CADPS2: variants seen among roughly 807,000 people sequenced by gnomAD.
The protein encoded by CADPS2 is calcium-dependent secretion activator 2.
In CADPS2, 93 loss-of-function variants were observed where a neutral mutation model predicts 172.5. The ratio of observed to expected loss-of-function variants is 0.54; its 90% confidence interval spans 0.46 to 0.64. The LOEUF (loss-of-function observed/expected upper bound fraction) is 0.64, where lower values mean the gene tolerates loss of function less well. Among genes scored for constraint, CADPS2 ranks in the 30% least tolerant of loss-of-function variants. The pLI, the probability that CADPS2 is intolerant of heterozygous loss-of-function variation, is 0.00. For synonymous variants in CADPS2, 546 were observed against 555.2 expected (o/e 0.98, Z 0.23); for missense variants, 1,420 against 1,565.9 (o/e 0.91, Z 1.57).
chr7:122,325,838 A>C (rs2150738023), intron 28 of CADPS2, among the ~76,000 whole-genome samples: 1 of 152,216 alleles, frequency 6.6e-6, no homozygotes. Flanking sequence ...ATTCACGGAA[A>C]CAGTGTTTTT....
At chr7:122,359,671 G>T (rs1267913188) in intron 27 of CADPS2, among the ~76,000 whole-genome samples, 1 of 152,062 alleles carries the variant, frequency 6.6e-6, no homozygotes, top group Non-Finnish European at 1.5e-5. Flanking sequence ...TCATGCTGCT[G>T]CTTTGTGGGG....
intron 1 of CADPS2, among the ~76,000 whole-genome samples, chr7:122,878,427 C>T (rs1249964117): frequency 1.3e-5 from 2 of 151,588 alleles, no homozygotes; most frequent in Admixed American, 6.6e-5. Flanking sequence ...CCGAGGTGGG[C>T]GGATCACAAC....
At chr7:122,678,383 G>A (rs2082602281) in intron 2 of CADPS2, among the ~76,000 whole-genome samples, 1 of 152,210 alleles carries the variant, frequency 6.6e-6, no homozygotes, top group Non-Finnish European at 1.5e-5. Flanking sequence ...CACTGAGACT[G>A]TGCTATAACA....
chr7:122,425,830 C>T (rs1480639520), intron 17 of CADPS2: 1 of 152,114 alleles, frequency 6.6e-6, no homozygotes, highest in African/African-American at 2.4e-5. Context: ...CTATTCCTTC[C>T]TGTTTTTTAA....
intron 1 of CADPS2, among the ~76,000 whole-genome samples, chr7:122,872,299 A>G (rs1819961809): frequency 1.3e-5 from 2 of 152,082 alleles, no homozygotes; most frequent in African/African-American, 4.8e-5. Context: ...TGTAACTTTA[A>G]ATTTTCATAA....
Position 122,379,454 on chromosome 7 carries a change from A to C in CADPS2, c.3313-12T>G, listed in dbSNP as rs535198897. 1 of 1,579,072 alleles carries C rather than the reference A, an allele frequency of 6.3e-7. No individual in the cohort carries two copies. Among genetic ancestry groups the C allele is most frequent in the South Asian group, 1.1e-5 (1 of 88,938 alleles). ...GAATGGTACTGTTGCTAGATATTAA[A>C]AGATAAAAACTCATTAGTTGACATG... On this transcript the variant is annotated splice_polypyrimidine_tract_variant and intron_variant, in intron 24 of 29. Transcript: ENST00000449022.
intron 3 of CADPS2, 72 bp from the exon 4 acceptor site, chr7:122,629,400 G>C: frequency 9.2e-7 from 1 of 1,082,248 alleles, no homozygotes; most frequent in South Asian, 1.7e-5. Context: ...GACTGAGGCA[G>C]TCCCACAGAC....
At chr7:122,393,653 A>G (rs2044688486) in intron 20 of CADPS2, 71 bp from the exon 21 acceptor site, 1 of 1,542,756 alleles carries the variant, frequency 6.5e-7, no homozygotes, top group Non-Finnish European at 8.9e-7. Flanking sequence ...ATGGGCCAAA[A>G]AAACACGTTT....
At chr7:122,747,023 G>A (rs985441652) in intron 1 of CADPS2, among the ~76,000 whole-genome samples, 4 of 151,964 alleles carry the variant, frequency 2.6e-5, no homozygotes, top group African/African-American at 9.7e-5. Flanking sequence ...GCCTCTAATG[G>A]TCCCCACTAA....
intron 17 of CADPS2, among the ~76,000 whole-genome samples, chr7:122,431,978 A>T (rs918418278): frequency 6.6e-6 from 1 of 152,220 alleles, no homozygotes; most frequent in Non-Finnish European, 1.5e-5. Context: ...TACATCACAT[A>T]TAAAATGCTT....
intron 14 of CADPS2, among the ~76,000 whole-genome samples, chr7:122,453,955 G>A (rs1335553172): frequency 6.6e-6 from 1 of 152,124 alleles, no homozygotes; most frequent in Non-Finnish European, 1.5e-5. Flanking sequence ...TAAATACCAC[G>A]TTTAGCAATT....
Position 122,456,328 on chromosome 7 carries a change from TAACTC to T in CADPS2, c.2187-4858_2187-4854del, listed in dbSNP as rs1417247133. ...TCTCATTTGAATGTTAAGTGGGACT[TAACTC>T]TATGACGATAATTAAATATTAAAGT... On this transcript the variant is annotated intron_variant, in intron 14 of 29. Coordinates refer to ENST00000449022, the MANE Select transcript of CADPS2 (RefSeq NM_017954.11). Among the ~76,000 whole-genome samples, 12 of 152,140 alleles carry T rather than the reference TAACTC, an allele frequency of 7.9e-5. No individual in the cohort carries two copies. In the East Asian group the frequency reaches 1.5e-3, roughly 20 times the overall value.
At chr7:122,323,970 T>C (rs1222934962) in intron 29 of CADPS2, among the ~76,000 whole-genome samples, 2 of 146,904 alleles carry the variant, frequency 1.4e-5, no homozygotes, top group Non-Finnish European at 3.0e-5. Context: ...AAACTTCATT[T>C]GAAAGCTCTT....
intron 9 of CADPS2, among the ~76,000 whole-genome samples, chr7:122,498,753 GTTA>G (rs2058961869): frequency 6.6e-6 from 1 of 151,616 alleles, no homozygotes; most frequent in African/African-American, 2.4e-5. Flanking sequence ...TTTCTTTTTT[GTTA>G]TTGTTTTTTA....
At chr7:122,572,652 C>A (rs2067428325) in intron 7 of CADPS2, among the ~76,000 whole-genome samples, 1 of 152,102 alleles carries the variant, frequency 6.6e-6, no homozygotes, top group Admixed American at 6.6e-5. Context: ...GCATTGCCCA[C>A]AAATAGATGT....
chr7:122,576,869 C>G (rs1382563358), intron 7 of CADPS2, among the ~76,000 whole-genome samples: 1 of 151,390 alleles, frequency 6.6e-6, no homozygotes, highest in African/African-American at 2.4e-5. Context: ...AAGTGATTCT[C>G]CTGCCTTAGC....
chr7:122,764,515 A>C (rs1315533725), intron 1 of CADPS2, among the ~76,000 whole-genome samples: 4 of 152,168 alleles, frequency 2.6e-5, no homozygotes, highest in African/African-American at 9.6e-5. Context: ...CTTACGTTCT[A>C]GATATAAATA....
chr7:122,436,113 G>A (rs557904488), intron 17 of CADPS2, among the ~76,000 whole-genome samples: 7 of 152,076 alleles, frequency 4.6e-5, no homozygotes, highest in Non-Finnish European at 1.0e-4. Flanking sequence ...TAGCTCTTGT[G>A]TTAAATATTT....
rs566850419 is a variant in CADPS2 at position 122,805,453 on chromosome 7, C to T, written c.340-68385G>A. ...GATTACAGGAGTGAGCCACCACACC[C>T]GGTCTTCAATTATTTTTATTGTTTA... On this transcript the variant is annotated intron_variant, in intron 1 of 29. Coordinates refer to ENST00000449022, the MANE Select transcript of CADPS2 (RefSeq NM_017954.11). Among the ~76,000 whole-genome samples, 6 of 152,208 alleles carry T rather than the reference C, an allele frequency of 3.9e-5. No individual in the cohort carries two copies. In the East Asian group the frequency reaches 9.7e-4, roughly 25 times the overall value.
Sources: allele counts gnomAD v4.1 joint callset (sites outside exome capture counted in the v4.1 genomes callset), GRCh38; gene constraint gnomAD v4.1.1; transcripts MANE v1.5; gene names NCBI Gene and HGNC (gene_info 2026-07-23, HGNC 2026-07-21).